The following CDH23 variants were observed in gnomAD, a reference collection of about 807,000 sequenced individuals.
CDH23 encodes the protein cadherin related 23.
In CDH23, 189 loss-of-function variants were observed where a neutral mutation model predicts 317.1. The observed-to-expected ratio is 0.60, with a 90% CI of 0.53 to 0.67. The LOEUF (loss-of-function observed/expected upper bound fraction) is 0.67. Ranked by LOEUF, CDH23 falls within the 30% of genes least tolerant of loss-of-function variation. The pLI is 0.00. For missense variants in CDH23, 4,401 were observed against 4,592.4 expected, an observed-to-expected ratio of 0.96 and a Z score of 1.20; for synonymous variants, 1,839 against 1,876.8, an observed-to-expected ratio of 0.98 and a Z score of 0.52.
intron 1 of CDH23, 75 bp from the exon 2 acceptor site, chr10:71,439,752 G>T: frequency 9.3e-7 from 1 of 1,071,088 alleles, no homozygotes; most frequent in Non-Finnish European, 1.4e-6. Context: ...AGCTGCAGAG[G>T]TGGGAGGGGC....
chr10:71,802,296 G>A (rs899084951), intron 53 of CDH23, among the ~76,000 whole-genome samples: 10 of 152,190 alleles, frequency 6.6e-5, no homozygotes, highest in African/African-American at 1.9e-4. Context: ...CAACAAGAGC[G>A]AAACTCCATC....
chr10:71,590,842 C>T (rs984643364), intron 9 of CDH23, among the ~76,000 whole-genome samples: 10 of 143,250 alleles, frequency 7.0e-5, no homozygotes, highest in African/African-American at 2.4e-4. Context: ...CTCCAGACTC[C>T]AGCCCGGGCA....
intron 6 of CDH23, among the ~76,000 whole-genome samples, chr10:71,534,016 C>A (rs1474076602): frequency 6.6e-6 from 1 of 152,114 alleles, no homozygotes; most frequent in Non-Finnish European, 1.5e-5. Flanking sequence ...TTTTCTTTAC[C>A]GATTTTATGA....
intron 3 of CDH23, among the ~76,000 whole-genome samples, chr10:71,499,421 G>T (rs146230284): frequency 6.6e-6 from 1 of 151,910 alleles, no homozygotes; most frequent in Admixed American, 6.6e-5. Flanking sequence ...AATTAGCCAC[G>T]CATAGTGGCA....
Position 71,807,997 on chromosome 10 carries a change from C to G in CDH23, c.8712C>G (p.Val2904=). 1 of 1,587,604 alleles carries G rather than the reference C, an allele frequency of 6.3e-7. No homozygotes were observed. Among genetic ancestry groups the G allele is most frequent in the South Asian group, 1.1e-5 (1 of 87,096 alleles). The change falls in exon 60 of 70, where the codon GTC becomes GTG. Residue 2904 remains valine, a synonymous_variant. Transcript: ENST00000224721. The stretch of plus-strand genomic sequence containing the variant: ...ACGACTCTGAAGATGTGGGCCAGGT[C>G]TTCACCATGGGTAGGGCCTGGCAGC... ...LANDSEDVGQ[V]FTMGSMDGIL...
chr10:71,755,611 G>C, intron 38 of CDH23: 3 of 745,338 alleles, frequency 4.0e-6, no homozygotes, highest in Non-Finnish European at 6.7e-6. Flanking sequence ...GCAACCTACA[G>C]AGGCATGGAA....
chr10:71,739,715 C>G lies in CDH23; in HGVS notation c.4431C>G (p.Gly1477=), dbSNP rs763102268. The G allele has an allele frequency of 3.1e-6, 5 of 1,613,466 alleles. No homozygotes were observed. The South Asian group carries it at 3.3e-5, about 11-fold the overall frequency. ...TCGTCACCACCAATGACTCCATTGG[C>G]GAAGTGTTTGTGGCCAGGCCCCTGG... ...FEIVTTNDSI[G]EVFVARPLDR... is the part of the protein sequence containing the mutation. Residue 1477 remains glycine, a synonymous_variant, in exon 36 of 70, where the codon GGC becomes GGG. Transcript: ENST00000224721.
intron 6 of CDH23, among the ~76,000 whole-genome samples, chr10:71,523,985 A>T (rs1294615372): frequency 6.6e-6 from 1 of 152,096 alleles, no homozygotes; most frequent in Non-Finnish European, 1.5e-5. Flanking sequence ...CCTGGAACAC[A>T]TCACCCTCCC....
Position 71,690,645 on chromosome 10 carries a change from C to T in CDH23, c.2176+61C>T, listed in dbSNP as rs567494018. Reference sequence around the variant, plus strand: ...CACCCTGAGGCTGACTGTCCATACCCGGCCCCAGGACCAGCCTCTGGGCCC... The same window carrying T: ...CACCCTGAGGCTGACTGTCCATACCTGGCCCCAGGACCAGCCTCTGGGCCC... On this transcript the variant is annotated intron_variant, in intron 20 of 69. Coordinates refer to ENST00000224721, the MANE Select transcript of CDH23 (RefSeq NM_022124.6). 1.4e-5 allele frequency: 17 copies of T among 1,241,298 alleles called. No homozygotes were observed. In the East Asian group the frequency reaches 2.3e-4, roughly 17 times the overall value. 76.9% of individuals were successfully genotyped at this position (1,241,298 alleles called of 1,614,324 possible).
chr10:71,400,811 T>G (rs1847745305), intron 1 of CDH23, among the ~76,000 whole-genome samples: 1 of 152,024 alleles, frequency 6.6e-6, no homozygotes. Flanking sequence ...AATCAATCAA[T>G]CAATAAAAAT....
chr10:71,475,701 G>C (rs1034395739), intron 3 of CDH23, among the ~76,000 whole-genome samples: 14 of 152,234 alleles, frequency 9.2e-5, no homozygotes. Flanking sequence ...CTGGGAGGCA[G>C]GGGTATGAAG....
At chr10:71,553,873 G>A (rs116113557) in intron 6 of CDH23, among the ~76,000 whole-genome samples, 1,811 of 152,318 alleles carry the variant, frequency 0.012, 36 homozygotes, top group African/African-American at 0.042. Flanking sequence ...TGGGATGGAG[G>A]TGGGAGACAT....
chr10:71,600,851 C>T (rs1380590326), intron 9 of CDH23, among the ~76,000 whole-genome samples: 1 of 152,180 alleles, frequency 6.6e-6, no homozygotes, highest in Non-Finnish European at 1.5e-5. Context: ...CTTTCCTATA[C>T]CCCATGGTAT....
intron 3 of CDH23, among the ~76,000 whole-genome samples, chr10:71,509,470 CCT>C (rs779442325): frequency 6.6e-6 from 1 of 152,206 alleles, no homozygotes; most frequent in Admixed American, 6.5e-5. Context: ...ACATCATTTG[CCT>C]CTGTTTTCCT....
intron 9 of CDH23, among the ~76,000 whole-genome samples, chr10:71,587,546 G>GA (rs1341611810): frequency 6.6e-6 from 1 of 152,210 alleles, no homozygotes; most frequent in African/African-American, 2.4e-5. Context: ...ACATCAGGAA[G>GA]AAAATACCAG....
intron 31 of CDH23, among the ~76,000 whole-genome samples, chr10:71,730,904 G>A (rs940328388): frequency 2.6e-5 from 4 of 152,234 alleles, no homozygotes; most frequent in Non-Finnish European, 5.9e-5. Context: ...CTTTAGAGAG[G>A]GGCTGGGCAG....
intron 9 of CDH23, among the ~76,000 whole-genome samples, chr10:71,614,689 G>A (rs1861089087): frequency 6.6e-6 from 1 of 152,226 alleles, no homozygotes; most frequent in Non-Finnish European, 1.5e-5. Context: ...TCTGGAGGAG[G>A]AGAAGAGGCT....
chr10:71,790,513 C>A, intron 46 of CDH23, 100 bp downstream of exon 46: 1 of 1,459,618 alleles, frequency 6.9e-7, no homozygotes, highest in South Asian at 1.3e-5. Context: ...TGGACCCAGG[C>A]TGTCCGTGGA....
intron 3 of CDH23, among the ~76,000 whole-genome samples, chr10:71,500,838 T>C (rs1853281128): frequency 1.3e-5 from 2 of 151,214 alleles, no homozygotes; most frequent in Admixed American, 6.6e-5. Flanking sequence ...TTCCTTTCTT[T>C]TCTTTTCTTC....
Sources: allele counts gnomAD v4.1 joint callset (sites outside exome capture counted in the v4.1 genomes callset), GRCh38; gene constraint gnomAD v4.1.1; transcripts MANE v1.5; gene names NCBI Gene and HGNC (gene_info 2026-07-23, HGNC 2026-07-21).